Variants in SPOCK3 observed in about 807,000 individuals in gnomAD.
SPOCK3 encodes the protein SPARC (osteonectin), cwcv and kazal like domains proteoglycan 3.
SPOCK3 carries 30 observed loss-of-function variants against 56.6 expected under a neutral mutation model. That is an observed-to-expected ratio of 0.53 (90% CI 0.40 to 0.72). The LOEUF (loss-of-function observed/expected upper bound fraction) is 0.72, where lower values mean the gene tolerates loss of function less well. Among genes scored for constraint, SPOCK3 ranks in the 30% least tolerant of loss-of-function variants. The probability of loss-of-function intolerance (pLI) is 0.00; values close to 1 mark genes in which losing one functional copy is unlikely to be tolerated. For missense variants in SPOCK3, 527 were observed against 530.0 expected (o/e 0.99, Z 0.06); for synonymous variants, 196 against 183.3 (o/e 1.07, Z -0.56).
At chr4:167,218,883 C>CGAAT (rs1735628211) in intron 2 of SPOCK3, among the ~76,000 whole-genome samples, 2 of 152,086 alleles carry the variant, frequency 1.3e-5, no homozygotes, top group Admixed American at 1.3e-4. Context: ...GGTCTATGTA[C>CGAAT]GAATGCTCCT....
At chr4:167,156,809 AATT>A (rs1764857774) in intron 2 of SPOCK3, among the ~76,000 whole-genome samples, 1 of 152,094 alleles carries the variant, frequency 6.6e-6, no homozygotes, top group African/African-American at 2.4e-5. Context: ...CTGAAAATGG[AATT>A]ATTAAGACTC....
chr4:167,135,056 T>C (rs949619588), intron 2 of SPOCK3, among the ~76,000 whole-genome samples: 3 of 150,674 alleles, frequency 2.0e-5, no homozygotes, highest in Non-Finnish European at 4.4e-5. Context: ...TGCTGTTGGC[T>C]CAAACACATA....
At chr4:167,108,159 T>C (rs1445419986) in intron 2 of SPOCK3, among the ~76,000 whole-genome samples, 1 of 151,840 alleles carries the variant, frequency 6.6e-6, no homozygotes, top group Non-Finnish European at 1.5e-5. Flanking sequence ...TAATAACAAA[T>C]GCTGGTGAGG....
At chr4:167,081,114 C>T (rs1359825587) in intron 2 of SPOCK3, among the ~76,000 whole-genome samples, 1 of 151,834 alleles carries the variant, frequency 6.6e-6, no homozygotes, top group Non-Finnish European at 1.5e-5. Context: ...TGCTCTTATG[C>T]TGGCTTTTGA....
intron 4 of SPOCK3, among the ~76,000 whole-genome samples, chr4:166,993,269 G>A (rs952600180): frequency 1.3e-5 from 2 of 152,110 alleles, no homozygotes; most frequent in African/African-American, 2.4e-5. Context: ...ACATGCAAGG[G>A]CTTAGCTATG....
At chr4:166,747,793 G>A (rs1232732735) in intron 8 of SPOCK3, among the ~76,000 whole-genome samples, 1 of 151,910 alleles carries the variant, frequency 6.6e-6, no homozygotes. Context: ...AAAGTCTCAG[G>A]ATACAAAATC....
At chr4:167,146,431 G>T (rs1216130649) in intron 2 of SPOCK3, among the ~76,000 whole-genome samples, 2 of 152,032 alleles carry the variant, frequency 1.3e-5, no homozygotes, top group Non-Finnish European at 2.9e-5. Flanking sequence ...GGATATCCAG[G>T]AGTTGAACTC....
At chr4:166,955,298 C>G (rs1180790126) in intron 4 of SPOCK3, among the ~76,000 whole-genome samples, 3 of 151,070 alleles carry the variant, frequency 2.0e-5, no homozygotes, top group Admixed American at 1.3e-4. Flanking sequence ...CTCACTCACT[C>G]CCTTGAGCTG....
chr4:167,173,808 A>C lies in SPOCK3; in HGVS notation c.189+60177T>G, dbSNP rs189174519. Among the ~76,000 whole-genome samples, 154 of 152,250 alleles carry C rather than the reference A, an allele frequency of 1.0e-3. 1 individual carries two copies. The Middle Eastern group carries it at 0.01, about 10-fold the overall frequency. On this transcript the variant is annotated intron_variant, in intron 2 of 10. Transcript: ENST00000357545. Reference sequence around the variant, plus strand: ...TGACTAGCAAGACTAGGAGGAGAGGAAGAAGAAATTAGTGATTGTAGCCTT... The same window carrying C: ...TGACTAGCAAGACTAGGAGGAGAGGCAGAAGAAATTAGTGATTGTAGCCTT...
chr4:167,056,894 T>C (rs1445102827), intron 3 of SPOCK3, among the ~76,000 whole-genome samples: 2 of 152,060 alleles, frequency 1.3e-5, no homozygotes, highest in African/African-American at 4.8e-5. Context: ...TTCCCCAATC[T>C]AGCAAGGCAG....
At chr4:166,903,806 G>A (rs1043296060) in intron 5 of SPOCK3, among the ~76,000 whole-genome samples, 24 of 151,990 alleles carry the variant, frequency 1.6e-4, no homozygotes, top group African/African-American at 5.8e-4. Context: ...TGCATTTAGG[G>A]TGGGAAGCGG....
At chr4:166,829,600 A>G (rs1298200177) in intron 6 of SPOCK3, among the ~76,000 whole-genome samples, 1 of 152,098 alleles carries the variant, frequency 6.6e-6, no homozygotes, top group East Asian at 1.9e-4. Context: ...TCAATACAGA[A>G]ATACTTTCTA....
At chr4:166,931,172 G>A (rs904051439) in intron 4 of SPOCK3, among the ~76,000 whole-genome samples, 3 of 152,096 alleles carry the variant, frequency 2.0e-5, no homozygotes, top group Non-Finnish European at 4.4e-5. Flanking sequence ...AGTGGAGATG[G>A]GGTTTCACCA....
At chr4:166,816,425 A>T (rs1238030566) in intron 6 of SPOCK3, among the ~76,000 whole-genome samples, 2 of 152,052 alleles carry the variant, frequency 1.3e-5, no homozygotes, top group Non-Finnish European at 2.9e-5. Context: ...ATTCTTATGT[A>T]TGTGTACATT....
At chr4:167,182,732 T>G (rs1237341298) in intron 2 of SPOCK3, among the ~76,000 whole-genome samples, 2 of 152,116 alleles carry the variant, frequency 1.3e-5, no homozygotes, top group Non-Finnish European at 2.9e-5. Flanking sequence ...GAGACAGGGT[T>G]TCACCATATT....
rs1242359443 is a variant in SPOCK3, at chr4:166,860,468, G to A, written c.589+28662C>T. The stretch of plus-strand genomic sequence containing the variant: ...GCGAGAAAGAGGAGAGAGAGCTAGA[G>A]AGACTTTAAATAGTTAATGAGACTA... On this transcript the variant is annotated intron_variant, in intron 6 of 10. Transcript: ENST00000357545. Among the ~76,000 whole-genome samples, 3 of 152,104 alleles carry A rather than the reference G, an allele frequency of 2.0e-5. No individual in the cohort carries two copies. In the East Asian group the frequency reaches 5.8e-4, roughly 29 times the overall value.
At chr4:167,040,881 A>C (rs1368697018) in intron 3 of SPOCK3, among the ~76,000 whole-genome samples, 1 of 152,180 alleles carries the variant, frequency 6.6e-6, no homozygotes, top group Non-Finnish European at 1.5e-5. Context: ...CAGAAATTAA[A>C]AACCCAACAG....
intron 2 of SPOCK3, among the ~76,000 whole-genome samples, chr4:167,133,298 T>C (rs912837459): frequency 6.6e-6 from 1 of 152,160 alleles, no homozygotes; most frequent in Non-Finnish European, 1.5e-5. Flanking sequence ...ATCCAAGGGA[T>C]GCCAGCAGCA....
At chr4:166,877,079 A>G (rs1733174196) in intron 6 of SPOCK3, among the ~76,000 whole-genome samples, 1 of 152,178 alleles carries the variant, frequency 6.6e-6, no homozygotes, top group Non-Finnish European at 1.5e-5. Flanking sequence ...ATGAAATACC[A>G]TAGTGGTTAA....
Sources: allele counts gnomAD v4.1 joint callset (sites outside exome capture counted in the v4.1 genomes callset), GRCh38; gene constraint gnomAD v4.1.1; transcripts MANE v1.5; gene names NCBI Gene and HGNC (gene_info 2026-07-23, HGNC 2026-07-21).